WNK4: variants seen among roughly 807,000 people sequenced by gnomAD.
The protein encoded by WNK4 is serine/threonine-protein kinase WNK4.
A neutral mutation model predicts 116.2 loss-of-function variants in WNK4; 94 were observed. The observed-to-expected ratio is 0.81, with a 90% CI of 0.68 to 0.96. The LOEUF (loss-of-function observed/expected upper bound fraction) is 0.96, where lower values mean the gene tolerates loss of function less well. WNK4 is among the 40% of genes least tolerant of loss of function. The pLI, the probability that WNK4 is intolerant of heterozygous loss-of-function variation, is 0.00. For missense variants in WNK4, 1,542 were observed against 1,650.6 expected, an observed-to-expected ratio of 0.93 and a Z score of 1.14; for synonymous variants, 655 against 672.7, an observed-to-expected ratio of 0.97 and a Z score of 0.41.
At position 42,781,003 on chromosome 17, in the gene WNK4, C is replaced by T. The variant is rs757756666; in HGVS notation, c.305C>T (p.Ser102Phe). The T allele has an allele frequency of 3.7e-6, 6 of 1,610,356 alleles. No individual in the cohort carries two copies. ...CCCGCGAGGAGCCCACCGCCTAGCT[C>T]CAAAGAACCCCCCGAGGGCACGTGG... ...PGPARSPPPS[S>F]KEPPEGTWTE... The change falls in exon 1 of 19, where the codon TCC (serine) becomes TTC (phenylalanine). Residue 102 changes from serine to phenylalanine, a missense_variant. Ser to Phe is a radical substitution (Grantham distance 155, BLOSUM62 -2). Around this residue, in one of 7 missense-constraint regions of WNK4, gnomAD observed 243 missense variants for 217.8 expected, o/e 1.12. Coordinates refer to ENST00000246914, the MANE Select transcript of WNK4 (RefSeq NM_032387.5).
chr17:42,792,413 C>T (rs1243590469), intron 11 of WNK4, among the ~76,000 whole-genome samples: 1 of 152,098 alleles, frequency 6.6e-6, no homozygotes, highest in Non-Finnish European at 1.5e-5. Context: ...AATTTACCAC[C>T]GTAACCATTT....
At chr17:42,790,636 G>A (rs568491310) in intron 11 of WNK4, among the ~76,000 whole-genome samples, 34 of 152,270 alleles carry the variant, frequency 2.2e-4, no homozygotes, top group African/African-American at 7.7e-4. Context: ...GTAGGTCATC[G>A]AAGGACACAG....
chr17:42,786,289 A>G (rs1296610306), intron 6 of WNK4, among the ~76,000 whole-genome samples: 3 of 152,220 alleles, frequency 2.0e-5, no homozygotes, highest in Admixed American at 1.3e-4. Context: ...GCTTGCGGCT[A>G]AAAGGAATGA....
chr17:42,785,894 T>G (rs2054544707), intron 6 of WNK4, among the ~76,000 whole-genome samples: 1 of 152,222 alleles, frequency 6.6e-6, no homozygotes, highest in South Asian at 2.1e-4. Flanking sequence ...TGTTCTCGGT[T>G]ACAGCACTCC....
rs2054520853 is a variant in WNK4, at chr17:42,784,513, G to A, written c.1104G>A (p.Met368Ile). The part of the protein sequence containing the change: ...VYAFGMCMLE[M>I]ATSEYPYSEC... ...CGTTCGGCATGTGCATGCTGGAGAT[G>A]GCCACCTCTGAGTACCCGTACTCCG... is the stretch of plus-strand genomic sequence containing the variant. Residue 368 changes from methionine to isoleucine, a missense_variant, in exon 4 of 19, where the codon ATG (methionine) becomes ATA (isoleucine). Met to Ile is a conservative substitution (Grantham distance 10, BLOSUM62 1). Transcript: ENST00000246914. The surrounding 1 kb of genome is among the most constrained non-coding windows in gnomAD (Gnocchi z 4.4). 1 of 1,614,016 alleles carries A rather than the reference G, an allele frequency of 6.2e-7. No homozygotes were observed. Among genetic ancestry groups the A allele is most frequent in the Non-Finnish European group, 8.5e-7 (1 of 1,180,018 alleles).
Position 42,788,737 on chromosome 17 carries a change from G to A in WNK4, c.2097G>A (p.Lys699=). The change falls in exon 11 of 19, where the codon AAG becomes AAA. Residue 699 remains lysine, a synonymous_variant. Transcript: ENST00000246914. ...VECQLQTHNS[K]MVTFRFDLDG... ...GCCAGCTACAGACCCATAACAGCAAGATGGTGACCTTCCGATTTGATCTGG... is the reference window on the plus strand; with the variant it reads ...GCCAGCTACAGACCCATAACAGCAAAATGGTGACCTTCCGATTTGATCTGG... The A allele has an allele frequency of 6.2e-7, 1 of 1,614,178 alleles. No homozygotes were observed. Among genetic ancestry groups the A allele is most frequent in the Non-Finnish European group, 8.5e-7 (1 of 1,180,030 alleles).
rs1367445918 is a variant in WNK4, at chr17:42,783,856, AG to A, written c.792-75del. On this transcript the variant is annotated intron_variant, in intron 2 of 18. Transcript: ENST00000246914. ...TGCGGAGGCGGCAGCAGGGTGCGGC[AG>A]GGGGGAACTTCCCAGTGGGGGGCTC... 5.9e-6 allele frequency: 8 copies of A among 1,347,132 alleles called. No homozygotes were observed. The Admixed American group carries it at 1.2e-4, about 20-fold the overall frequency. The allele number at this position is 1,347,132 out of a possible 1,614,324, so 83.4% of individuals were successfully genotyped here. A position where few individuals can be genotyped will look rare whatever the true frequency, so the allele number is the denominator to read the frequency against.
In WNK4 at chr17:42,781,053, G is replaced by A. The variant is rs1227098021; in HGVS notation, c.355G>A (p.Ala119Thr). 1.2e-6 allele frequency: 2 copies of A among 1,611,454 alleles called. No homozygotes were observed. The highest frequency in any genetic ancestry group is 3.4e-4 in the Middle Eastern group (2 of 5,960). ...TWTEGAPVKA[A>T]EDSARPELPD... Reference sequence around the variant, plus strand: ...GACCGAGGGAGCCCCTGTGAAGGCTGCGGAAGACTCCGCGCGTCCCGAGCT... The same window carrying A: ...GACCGAGGGAGCCCCTGTGAAGGCTACGGAAGACTCCGCGCGTCCCGAGCT... The change falls in exon 1 of 19, where the codon GCG becomes ACG. Residue 119 changes from alanine (A) to threonine (T), a missense_variant. Transcript: ENST00000246914.
rs2054535869 is a variant in WNK4, at chr17:42,785,366, A to G, written c.1360A>G (p.Lys454Glu). 6.2e-7 allele frequency: 1 copy of G among 1,606,782 alleles called. No homozygotes were observed. Among genetic ancestry groups the G allele is most frequent in the Non-Finnish European group, 8.5e-7 (1 of 1,176,812 alleles). The stretch of plus-strand genomic sequence containing the variant: ...GGACGACGGCGAGAAGCCGGGCCTC[A>G]AGCTCTGGCTGCGCATGGAGGACGC... ...EEDDGEKPGL[K>E]LWLRMEDARR... The change falls in exon 6 of 19, where the codon AAG becomes GAG. Residue 454 changes from lysine (K) to glutamate (E), a missense_variant. Physicochemically the swap from Lys to Glu is moderately conservative, Grantham distance 56. Coordinates refer to ENST00000246914, the MANE Select transcript of WNK4 (RefSeq NM_032387.5).
intron 11 of WNK4, among the ~76,000 whole-genome samples, chr17:42,790,039 A>G (rs1346442465): frequency 6.6e-6 from 1 of 152,108 alleles, no homozygotes; most frequent in Non-Finnish European, 1.5e-5. Context: ...AAAAAGGCAC[A>G]GTGTAACGTG....
rs373040449 is a variant in WNK4 at position 42,785,180 on chromosome 17, C to T, written c.1254C>T (p.Asn418=). 2.5e-6 allele frequency: 4 copies of T among 1,613,602 alleles called. No homozygotes were observed. Among genetic ancestry groups the T allele is most frequent in the South Asian group, 2.2e-5 (2 of 90,974 alleles). ...AAGGCTGCATCCGCACGGATAAGAA[C>T]GAGAGGTGGGGGTGAAAGGGCAGAG... ...IIEGCIRTDK[N]ERFTIQDLLA... The change falls in exon 5 of 19, where the codon AAC becomes AAT. Residue 418 remains asparagine (N), a synonymous_variant. Transcript: ENST00000246914.
rs1404518054 is a variant in WNK4, at chr17:42,782,289, AG to A, written c.619-468del. On this transcript the variant is annotated intron_variant, in intron 1 of 18. Coordinates refer to ENST00000246914, the MANE Select transcript of WNK4 (RefSeq NM_032387.5). This position sits in a 1 kb window ranked among gnomAD's most constrained non-coding sequence, Gnocchi z 4.2. ...GTCCTGGATCTTTTCTTTCCTTCTC[AG>A]TACCTCCCTCCATATCCCTCCCGCC... is the stretch of plus-strand genomic sequence containing the variant. Among the ~76,000 whole-genome samples the A allele has an allele frequency of 1.3e-5, 2 of 152,274 alleles. No homozygotes were observed. The highest frequency in any genetic ancestry group is 4.8e-5 in the African/African-American group (2 of 41,554).
rs368169417 is a variant in WNK4 at position 42,782,096 on chromosome 17, G to T, written c.619-662G>T. ...GATTCAGATCAGGGGACAGAGCCTAGGGGAAGGGTCCCTCTCCAGCCCTGG... is the reference window on the plus strand; with the variant it reads ...GATTCAGATCAGGGGACAGAGCCTATGGGAAGGGTCCCTCTCCAGCCCTGG... On this transcript the variant is annotated intron_variant, in intron 1 of 18. Transcript: ENST00000246914. The surrounding 1 kb of genome is among the most constrained non-coding windows in gnomAD (Gnocchi z 4.2). 6.6e-6 allele frequency among the ~76,000 whole-genome samples: 1 copy of T among 152,208 alleles called. No individual in the cohort carries two copies. Among genetic ancestry groups the T allele is most frequent in the South Asian group, 2.1e-4 (1 of 4,832 alleles).
At position 42,784,527 on chromosome 17, in the gene WNK4, A is replaced by G. The variant is rs1555656990; in HGVS notation, c.1118A>G (p.Tyr373Cys). The change falls in exon 4 of 19, where the codon TAC becomes TGC. Residue 373 changes from tyrosine to cysteine, a missense_variant. By Grantham distance (194) the Tyr-to-Cys change is radical (BLOSUM62 -2). Coordinates refer to ENST00000246914, the MANE Select transcript of WNK4 (RefSeq NM_032387.5). The surrounding 1 kb of genome is among the most constrained non-coding windows in gnomAD (Gnocchi z 4.4). ...ATGCTGGAGATGGCCACCTCTGAGT[A>G]CCCGTACTCCGAGTGCCAGAATGCC... is the stretch of plus-strand genomic sequence containing the variant. ...MCMLEMATSEYPYSECQNAAQ... is the reference protein window; with the variant it reads ...MCMLEMATSECPYSECQNAAQ... The G allele has an allele frequency of 2.5e-6, 4 of 1,613,864 alleles. No individual in the cohort carries two copies. The highest frequency in any genetic ancestry group is 1.1e-5 in the South Asian group (1 of 91,062).
intron 6 of WNK4, 116 bp from the exon 7 acceptor site, chr17:42,787,162 A>G: frequency 7.0e-7 from 1 of 1,434,840 alleles, no homozygotes; most frequent in Non-Finnish European, 9.5e-7. Context: ...CATAGTGGGT[A>G]ATCAGTAAGT....
chr17:42,793,597 T>C lies in WNK4; in HGVS notation c.2163T>C (p.Tyr721=), dbSNP rs2054627807. Reference sequence around the variant, plus strand: ...ATCCTGTTGACCCTCGCAAGGTATATAACGAGTTCATTCTGCCTTCGGAGC... The same window carrying C: ...ATCCTGTTGACCCTCGCAAGGTATACAACGAGTTCATTCTGCCTTCGGAGC... ...SPEEIAAAMV[Y]NEFILPSERD... is the part of the protein sequence containing the mutation. Residue 721 remains tyrosine, a synonymous_variant, in exon 12 of 19, where the codon TAT becomes TAC. Coordinates refer to ENST00000246914, the MANE Select transcript of WNK4 (RefSeq NM_032387.5). 3.7e-6 allele frequency: 6 copies of C among 1,613,862 alleles called. No individual in the cohort carries two copies. In the African/African-American group the frequency reaches 5.3e-5, roughly 14 times the overall value.
At position 42,795,644 on chromosome 17, in the gene WNK4, T is replaced by TG. The variant is rs1455935107; in HGVS notation, c.3045dup (p.Arg1016AlafsTer12). ...CTACAGAGGGAAAGCCGCAGCTTGT[T>TG]GGGCGTTTCCAAGTGACTTCATCCA... On this transcript the variant is annotated frameshift_variant, in exon 16 of 19. Coordinates refer to ENST00000246914, the MANE Select transcript of WNK4 (RefSeq NM_032387.5). LOFTEE classifies it high-confidence loss of function. 6.2e-7 allele frequency: 1 copy of TG among 1,613,540 alleles called. No individual in the cohort carries two copies. Among genetic ancestry groups the TG allele is most frequent in the African/African-American group, 1.3e-5 (1 of 74,938 alleles).
At chr17:42,788,253 G>C (rs773839947) in intron 9 of WNK4, 37 bp from the exon 10 acceptor site, 2 of 1,613,506 alleles carry the variant, frequency 1.2e-6, no homozygotes, top group Non-Finnish European at 1.7e-6. Flanking sequence ...CCCAGTGTCT[G>C]CTCTGACAGT....
Position 42,785,211 on chromosome 17 carries a change from G to A in WNK4, c.1259+26G>A, listed in dbSNP as rs1162192185. 4 of 1,611,908 alleles carry A rather than the reference G, an allele frequency of 2.5e-6. No homozygotes were observed. The African/African-American group carries it at 5.3e-5, about 22-fold the overall frequency. On this transcript the variant is annotated intron_variant, in intron 5 of 18. Coordinates refer to ENST00000246914, the MANE Select transcript of WNK4 (RefSeq NM_032387.5). ...GTGGGGGTGAAAGGGCAGAGCGTGG[G>A]TAGAATAGGGCCGCGGGCCGCGGCG... is the stretch of plus-strand genomic sequence containing the variant.
Sources: gnomAD v4.1 joint callset for allele counts (sites outside exome capture counted in the v4.1 genomes callset) on GRCh38, gnomAD v4.1.1 for gene constraint, gnomAD v4.1.1 regional missense constraint, Gnocchi (gnomAD v3.1) non-coding constraint, MANE v1.5 for transcripts, NCBI Gene and HGNC (gene_info 2026-07-23, HGNC 2026-07-21) for gene names.